CA10: variants seen among roughly 807,000 people sequenced by gnomAD.
CA10 encodes carbonic anhydrase-related protein 10.
CA10 carries 14 observed loss-of-function variants against 44.2 expected under a neutral mutation model. That is an observed-to-expected ratio of 0.32 (90% CI 0.21 to 0.50). The LOEUF is 0.50. Ranked by LOEUF, CA10 falls within the 20% of genes least tolerant of loss-of-function variation. The pLI, the probability that CA10 is intolerant of heterozygous loss-of-function variation, is 0.99. For synonymous variants in CA10, 159 were observed against 141.6 expected (o/e 1.12, Z -0.87); for missense variants, 350 against 409.7 (o/e 0.85, Z 1.26).
intron 2 of CA10, among the ~76,000 whole-genome samples, chr17:52,071,915 C>T (rs1567723637): frequency 1.3e-5 from 2 of 152,154 alleles, no homozygotes; most frequent in African/African-American, 2.4e-5. Context: ...TGATACTTGG[C>T]GCGATGTGCT....
At chr17:51,744,292 G>T (rs1904579984) in intron 4 of CA10, among the ~76,000 whole-genome samples, 1 of 150,944 alleles carries the variant, frequency 6.6e-6, no homozygotes. Flanking sequence ...TTCAGCCTGG[G>T]TGACACAGCG....
chr17:52,119,455 G>A (rs1844458246), intron 1 of CA10, among the ~76,000 whole-genome samples: 1 of 152,038 alleles, frequency 6.6e-6, no homozygotes, highest in South Asian at 2.1e-4. Flanking sequence ...CCCTGTACAG[G>A]GTTCCTGACC....
At chr17:52,130,080 A>G (rs1989200436) in intron 1 of CA10, among the ~76,000 whole-genome samples, 1 of 152,200 alleles carries the variant, frequency 6.6e-6, no homozygotes, top group Non-Finnish European at 1.5e-5. Context: ...GTGAAATGAA[A>G]TAAAAATTTA....
In CA10 at chr17:52,090,442, T is replaced by C. The variant is rs527912443; in HGVS notation, c.62-18049A>G. ...ATCAATTAAACAGCATTGATGATGCTGAAATATTCCCTAGCATATTTTTGT... is the reference window on the plus strand; with the variant it reads ...ATCAATTAAACAGCATTGATGATGCCGAAATATTCCCTAGCATATTTTTGT... On this transcript the variant is annotated intron_variant, in intron 1 of 8. Coordinates refer to ENST00000451037, the MANE Select transcript of CA10 (RefSeq NM_020178.5). 6.9e-4 allele frequency among the ~76,000 whole-genome samples: 105 copies of C among 152,304 alleles called. 3 individuals are homozygous for C. The highest frequency in any genetic ancestry group is 2.3e-3 in the African/African-American group (95 of 41,598).
At chr17:52,118,517 T>C (rs1261386034) in intron 1 of CA10, among the ~76,000 whole-genome samples, 1 of 152,160 alleles carries the variant, frequency 6.6e-6, no homozygotes, top group East Asian at 1.9e-4. Context: ...AGGTTGTCTT[T>C]TCTGACCTCA....
At position 52,004,705 on chromosome 17, in the gene CA10, T is replaced by A. The variant is rs549806843; in HGVS notation, c.136+67614A>T. Reference sequence around the variant, plus strand: ...CTACAAAATGCTCTAAGTATTTTAATAATTAATATGTACTTTTTCAATCTT... The same window carrying A: ...CTACAAAATGCTCTAAGTATTTTAAAAATTAATATGTACTTTTTCAATCTT... On this transcript the variant is annotated intron_variant, in intron 2 of 8. Coordinates refer to ENST00000451037, the MANE Select transcript of CA10 (RefSeq NM_020178.5). Among the ~76,000 whole-genome samples, 4 of 151,800 alleles carry A rather than the reference T, an allele frequency of 2.6e-5. No individual in the cohort carries two copies. In the East Asian group the frequency reaches 7.8e-4, roughly 30 times the overall value.
intron 3 of CA10, among the ~76,000 whole-genome samples, chr17:51,859,226 T>A (rs1326634387): frequency 6.6e-6 from 1 of 152,068 alleles, no homozygotes; most frequent in Non-Finnish European, 1.5e-5. Flanking sequence ...CAAGAAAGTG[T>A]TGTAATCACT....
rs554448658 is a variant in CA10, at chr17:51,887,621, G to A, written c.279+43369C>T. Among the ~76,000 whole-genome samples the A allele has an allele frequency of 7.9e-5, 12 of 152,132 alleles. No homozygotes were observed. The South Asian group carries it at 1.7e-3, about 21-fold the overall frequency. ...CTCAGTTTCCACATCTGCACAATGC[G>A]AACAACATCACCACTTGGCTGGCTT... On this transcript the variant is annotated intron_variant, in intron 3 of 8. Coordinates refer to ENST00000451037, the MANE Select transcript of CA10 (RefSeq NM_020178.5).
At chr17:51,691,948 T>C (rs1045192009) in intron 4 of CA10, among the ~76,000 whole-genome samples, 1 of 152,206 alleles carries the variant, frequency 6.6e-6, no homozygotes, top group Non-Finnish European at 1.5e-5. Context: ...ACATGGCTCT[T>C]AAAACTTGAT....
chr17:51,818,410 G>A (rs926323792), intron 3 of CA10, among the ~76,000 whole-genome samples: 13 of 152,272 alleles, frequency 8.5e-5, no homozygotes, highest in African/African-American at 2.4e-4. Flanking sequence ...GCACATCGTA[G>A]AATGATGTCC....
intron 1 of CA10, among the ~76,000 whole-genome samples, chr17:52,157,160 T>C (rs1001607007): frequency 6.6e-6 from 1 of 151,912 alleles, no homozygotes; most frequent in Admixed American, 6.6e-5. Context: ...AACAAGAAAA[T>C]TGGGGGGGTA....
At chr17:51,661,084 A>C (rs186668184) in intron 4 of CA10, among the ~76,000 whole-genome samples, 5 of 151,978 alleles carry the variant, frequency 3.3e-5, no homozygotes, top group African/African-American at 9.7e-5. Context: ...TACATATCAC[A>C]GTTTTAGCTT....
At chr17:51,824,103 C>A (rs1170409931) in intron 3 of CA10, among the ~76,000 whole-genome samples, 2 of 152,106 alleles carry the variant, frequency 1.3e-5, no homozygotes, top group African/African-American at 2.4e-5. Context: ...ACTTATATTG[C>A]CTATGCCTCA....
intron 4 of CA10, among the ~76,000 whole-genome samples, chr17:51,700,898 C>T (rs1490033424): frequency 6.6e-6 from 1 of 152,060 alleles, no homozygotes; most frequent in Non-Finnish European, 1.5e-5. Context: ...AGGGAAACCA[C>T]ACACCCCGGG....
intron 3 of CA10, among the ~76,000 whole-genome samples, chr17:51,779,649 A>C (rs1454212481): frequency 9.9e-5 from 15 of 152,162 alleles, no homozygotes; most frequent in Admixed American, 9.8e-4. Context: ...GGAACTTCAC[A>C]TTTGGAGTCA....
At chr17:51,963,367 T>A (rs1983963651) in intron 2 of CA10, among the ~76,000 whole-genome samples, 1 of 151,992 alleles carries the variant, frequency 6.6e-6, no homozygotes, top group Non-Finnish European at 1.5e-5. Flanking sequence ...CAAGAAAACG[T>A]CCCTAATCTT....
In CA10 at chr17:51,988,894, A is replaced by C. The variant is rs376236563; in HGVS notation, c.137-57762T>G. ...TAGTTTCAAAAATATAACCAATATAAAAATATTAATGAGCTATTTCACCTT... is the reference window on the plus strand; with the variant it reads ...TAGTTTCAAAAATATAACCAATATACAAATATTAATGAGCTATTTCACCTT... On this transcript the variant is annotated intron_variant, in intron 2 of 8. Transcript: ENST00000451037. Among the ~76,000 whole-genome samples, 68 of 152,192 alleles carry C rather than the reference A, an allele frequency of 4.5e-4. No individual in the cohort carries two copies. The East Asian group carries it at 0.013, about 29-fold the overall frequency.
At chr17:52,113,254 A>G (rs1378407340) in intron 1 of CA10, among the ~76,000 whole-genome samples, 1 of 152,260 alleles carries the variant, frequency 6.6e-6, no homozygotes, top group Non-Finnish European at 1.5e-5. Flanking sequence ...TAAAGTGGGG[A>G]TAAAATTAGT....
At chr17:51,815,101 C>T (rs1223802757) in intron 3 of CA10, among the ~76,000 whole-genome samples, 1 of 151,990 alleles carries the variant, frequency 6.6e-6, no homozygotes, top group East Asian at 1.9e-4. Flanking sequence ...CTAGAAGCAG[C>T]TCCACCCCCG....
Sources: allele counts gnomAD v4.1 joint callset (sites outside exome capture counted in the v4.1 genomes callset), GRCh38; gene constraint gnomAD v4.1.1; transcripts MANE v1.5; gene names NCBI Gene and HGNC (gene_info 2026-07-23, HGNC 2026-07-21).